ABTB2: variants seen among roughly 807,000 people sequenced by gnomAD.
ABTB2 encodes the protein ankyrin repeat and BTB/POZ domain-containing protein 2.
A neutral mutation model predicts 104.1 loss-of-function variants in ABTB2; 56 were observed. The ratio of observed to expected loss-of-function variants is 0.54; its 90% CI spans 0.43 to 0.67. The LOEUF (loss-of-function observed/expected upper bound fraction) is 0.67, where lower values mean the gene tolerates loss of function less well. Among genes scored for constraint, ABTB2 ranks in the 30% least tolerant of loss-of-function variants. The pLI is 0.00. For missense variants in ABTB2, 1,279 were observed against 1,407.7 expected (o/e 0.91, Z 1.46); for synonymous variants, 606 against 608.2 (o/e 1.00, Z 0.05).
intron 1 of ABTB2, among the ~76,000 whole-genome samples, chr11:34,333,243 C>T (rs1434193239): frequency 6.6e-6 from 1 of 152,074 alleles, no homozygotes; most frequent in Non-Finnish European, 1.5e-5. Flanking sequence ...TAGACACTAA[C>T]AAGGAATGGC....
chr11:34,196,727 A>G (rs1215136050), intron 3 of ABTB2, among the ~76,000 whole-genome samples: 1 of 152,228 alleles, frequency 6.6e-6, no homozygotes, highest in Non-Finnish European at 1.5e-5. Context: ...CCTGACTAGA[A>G]GCCCACAGGC....
chr11:34,299,417 G>T (rs556034790), intron 1 of ABTB2, among the ~76,000 whole-genome samples: 9 of 152,262 alleles, frequency 5.9e-5, no homozygotes, highest in African/African-American at 1.9e-4. Context: ...GATCTCCAAG[G>T]GTATCAGGTT....
chr11:34,230,801 CCTT>C (rs1361499519), intron 1 of ABTB2, among the ~76,000 whole-genome samples: 2 of 152,128 alleles, frequency 1.3e-5, no homozygotes, highest in Non-Finnish European at 2.9e-5. Flanking sequence ...TTTCCGAAAA[CCTT>C]CTTTCAAAAG....
intron 1 of ABTB2, among the ~76,000 whole-genome samples, chr11:34,230,463 G>A (rs1853754101): frequency 6.6e-6 from 1 of 152,170 alleles, no homozygotes; most frequent in Admixed American, 6.6e-5. Context: ...TGAGGGTTGA[G>A]TGAGAACCTA....
chr11:34,167,633 G>A (rs1277651941), intron 6 of ABTB2, among the ~76,000 whole-genome samples: 1 of 152,186 alleles, frequency 6.6e-6, no homozygotes, highest in Non-Finnish European at 1.5e-5. Context: ...TGGAGATTAG[G>A]CTGGTAAAAG....
At chr11:34,350,515 A>G (rs1347546111) in intron 1 of ABTB2, among the ~76,000 whole-genome samples, 2 of 152,210 alleles carry the variant, frequency 1.3e-5, no homozygotes, top group Non-Finnish European at 2.9e-5. Flanking sequence ...CATCCCCAGG[A>G]GCAGCAATAA....
intron 1 of ABTB2, among the ~76,000 whole-genome samples, chr11:34,216,957 C>G (rs1853557598): frequency 6.6e-6 from 1 of 152,164 alleles, no homozygotes; most frequent in Non-Finnish European, 1.5e-5. Context: ...CCTAGATGTT[C>G]CTGCCTCTTT....
intron 1 of ABTB2, among the ~76,000 whole-genome samples, chr11:34,274,081 A>G (rs897356723): frequency 2.9e-5 from 4 of 139,724 alleles, no homozygotes; most frequent in Admixed American, 7.5e-5. Context: ...GAACCCGGGA[A>G]GCGGAGCTTG....
intron 1 of ABTB2, among the ~76,000 whole-genome samples, chr11:34,211,114 TTTTG>T (rs1057104069): frequency 1.3e-5 from 2 of 152,054 alleles, no homozygotes; most frequent in African/African-American, 2.4e-5. Flanking sequence ...AATTCATTCT[TTTTG>T]TTTGTTTTGA....
rs573355403 is a variant in ABTB2, at chr11:34,246,426, A to G, written c.884-41736T>C. On this transcript the variant is annotated intron_variant, in intron 1 of 16. Coordinates refer to ENST00000435224, the MANE Select transcript of ABTB2 (RefSeq NM_145804.3). ...AGACCAGCCTGACCAACATGGAGAA[A>G]CTCTGTCTTTACTAAAAATACAAAA... 2.6e-5 allele frequency among the ~76,000 whole-genome samples: 4 copies of G among 151,794 alleles called. No individual in the cohort carries two copies. The South Asian group carries it at 8.3e-4, about 32-fold the overall frequency.
At chr11:34,270,105 G>A (rs1009553196) in intron 1 of ABTB2, among the ~76,000 whole-genome samples, 6 of 152,120 alleles carry the variant, frequency 3.9e-5, no homozygotes, top group Non-Finnish European at 5.9e-5. Context: ...GATGCACAAC[G>A]ATCCAAGTCA....
intron 3 of ABTB2, among the ~76,000 whole-genome samples, chr11:34,180,110 C>T (rs1321017): frequency 0.46 from 70,167 of 152,130 alleles, 16,918 homozygotes; most frequent in Non-Finnish European, 0.54. Flanking sequence ...TCAGCTCCAG[C>T]TTTCTGAAAG....
At chr11:34,284,973 C>T (rs1437972878) in intron 1 of ABTB2, among the ~76,000 whole-genome samples, 8 of 152,352 alleles carry the variant, frequency 5.3e-5, no homozygotes, top group South Asian at 4.1e-4. Flanking sequence ...CTGCCAGCTC[C>T]GCTGTGTGTA....
At chr11:34,198,340 G>A (rs993442978) in intron 2 of ABTB2, among the ~76,000 whole-genome samples, 4 of 152,072 alleles carry the variant, frequency 2.6e-5, no homozygotes, top group African/African-American at 7.2e-5. Flanking sequence ...CAGGAGAATC[G>A]CTTTAACCTG....
At chr11:34,300,188 A>C (rs1854684579) in intron 1 of ABTB2, among the ~76,000 whole-genome samples, 1 of 152,190 alleles carries the variant, frequency 6.6e-6, no homozygotes, top group Non-Finnish European at 1.5e-5. Context: ...AATACCCTCC[A>C]TTAAGAATCT....
intron 1 of ABTB2, among the ~76,000 whole-genome samples, chr11:34,323,516 TTC>T (rs1056803789): frequency 1.3e-5 from 2 of 152,242 alleles, no homozygotes; most frequent in African/African-American, 4.8e-5. Context: ...ACATTTTTTC[TTC>T]TCTCTCCAAG....
intron 1 of ABTB2, among the ~76,000 whole-genome samples, chr11:34,236,494 C>A (rs1421265200): frequency 1.3e-5 from 2 of 152,096 alleles, no homozygotes; most frequent in Non-Finnish European, 2.9e-5. Context: ...GACTCTGTGC[C>A]GCCAGTTTTC....
intron 3 of ABTB2, among the ~76,000 whole-genome samples, chr11:34,189,826 G>A (rs758104988): frequency 9.1e-4 from 138 of 152,244 alleles, no homozygotes; most frequent in Non-Finnish European, 1.1e-3. Flanking sequence ...CCTCTTAAAT[G>A]TGATGCTGCT....
chr11:34,204,858 C>A (rs778680866), intron 1 of ABTB2, among the ~76,000 whole-genome samples, 168 bp from the exon 2 acceptor site: 2 of 152,126 alleles, frequency 1.3e-5, no homozygotes, highest in Non-Finnish European at 2.9e-5. Flanking sequence ...TGACTGTGGA[C>A]GGTGCTATAG....
Sources: gnomAD v4.1 joint callset for allele counts (sites outside exome capture counted in the v4.1 genomes callset) on GRCh38, gnomAD v4.1.1 for gene constraint, MANE v1.5 for transcripts, NCBI Gene and HGNC (gene_info 2026-07-23, HGNC 2026-07-21) for gene names.